Variants in LRRK2 observed in about 807,000 individuals in gnomAD.
LRRK2 encodes the protein leucine rich repeat kinase 2.
A neutral mutation model predicts 302.6 loss-of-function variants in LRRK2; 203 were observed. That is an observed-to-expected ratio of 0.67 (90% CI 0.60 to 0.75). LRRK2 has a LOEUF of 0.75. Among genes scored for constraint, LRRK2 ranks in the 30% least tolerant of loss-of-function variants. LRRK2 has a pLI of 0.00. For missense variants in LRRK2, 2,830 were observed against 2,951.0 expected, an observed-to-expected ratio of 0.96 and a Z score of 0.95; for synonymous variants, 1,066 against 1,031.9, an observed-to-expected ratio of 1.03 and a Z score of -0.63.
chr12:40,319,239 A>T (rs1945325145), intron 33 of LRRK2, among the ~76,000 whole-genome samples: 1 of 152,132 alleles, frequency 6.6e-6, no homozygotes, highest in African/African-American at 2.4e-5. Context: ...GGGCAATCTA[A>T]GACAGTCACT....
intron 7 of LRRK2, among the ~76,000 whole-genome samples, chr12:40,248,026 G>C (rs1032342336): frequency 6.6e-6 from 1 of 151,900 alleles, no homozygotes; most frequent in African/African-American, 2.4e-5. Context: ...CCATTTACTA[G>C]TTTATCTCTA....
intron 41 of LRRK2, among the ~76,000 whole-genome samples, chr12:40,344,207 G>T (rs1025731110): frequency 5.9e-5 from 9 of 152,144 alleles, no homozygotes; most frequent in African/African-American, 1.9e-4. Context: ...AGAATTAGAC[G>T]AAATGACCCC....
rs778136224 is a variant in LRRK2, at chr12:40,257,385, A to G, written c.1418+8A>G. On this transcript the variant is annotated splice_region_variant and intron_variant, in intron 12 of 50. Transcript: ENST00000298910. Reference sequence around the variant, plus strand: ...TCATCTTTTTGAAGGAAGGTAATATAGATTCATTAACTTGTACAGAATATA... The same window carrying G: ...TCATCTTTTTGAAGGAAGGTAATATGGATTCATTAACTTGTACAGAATATA... 8.1e-6 allele frequency: 13 copies of G among 1,611,602 alleles called. No homozygotes were observed. Among genetic ancestry groups the G allele is most frequent in the Non-Finnish European group, 1.1e-5 (13 of 1,178,170 alleles).
chr12:40,257,205 A>C, intron 11 of LRRK2, 43 bp from the exon 12 acceptor site: 2 of 1,392,112 alleles, frequency 1.4e-6, no homozygotes, highest in Non-Finnish European at 2.0e-6. Context: ...AAATTATGAA[A>C]ATATGCTTTC....
chr12:40,273,340 G>A (rs754807407), intron 14 of LRRK2, among the ~76,000 whole-genome samples: 2 of 152,126 alleles, frequency 1.3e-5, no homozygotes, highest in Non-Finnish European at 2.9e-5. Flanking sequence ...AAACAAAAAT[G>A]TCAAGGGAGA....
intron 41 of LRRK2, among the ~76,000 whole-genome samples, chr12:40,343,697 A>G (rs1184465324): frequency 1.3e-5 from 2 of 152,218 alleles, no homozygotes; most frequent in Non-Finnish European, 1.5e-5. Context: ...GTATTTTAAC[A>G]TTGTAATCAT....
At chr12:40,243,950 G>C (rs1158986303) in intron 7 of LRRK2, among the ~76,000 whole-genome samples, 1 of 152,052 alleles carries the variant, frequency 6.6e-6, no homozygotes, top group African/African-American at 2.4e-5. Flanking sequence ...TATTTTTATA[G>C]ATGTAGTTCT....
At chr12:40,291,377 ATGTAACAAACC>A (rs1291941142) in intron 20 of LRRK2, among the ~76,000 whole-genome samples, 1 of 151,672 alleles carries the variant, frequency 6.6e-6, no homozygotes, top group Non-Finnish European at 1.5e-5. Context: ...ATGTATACAT[ATGTAACAAACC>A]TGCATGTTGT....
At chr12:40,318,532 CAG>C (rs1278357404) in intron 33 of LRRK2, among the ~76,000 whole-genome samples, 2 of 151,942 alleles carry the variant, frequency 1.3e-5, no homozygotes, top group Non-Finnish European at 2.9e-5. Flanking sequence ...AATTGATTGA[CAG>C]AGAGGTTGAA....
Position 40,278,167 on chromosome 12 carries a change from C to T in LRRK2, c.2147C>T (p.Ala716Val), listed in dbSNP as rs281865043. The part of the protein sequence containing the change: ...DYLKNVMLER[A>V]CDQNNSIMVE... ...TTAAAAAATGTGATGCTAGAGAGAG[C>T]GTGTGATCAGAATAACAGCATCATG... Residue 716 changes from alanine (A) to valine (V), a missense_variant, in exon 18 of 51, where the codon GCG (alanine) becomes GTG (valine). Around this residue, in one of 3 missense-constraint regions of LRRK2, gnomAD observed 2,121 missense variants for 2,148.0 expected, o/e 0.99. Coordinates refer to ENST00000298910, the MANE Select transcript of LRRK2 (RefSeq NM_198578.4). The T allele has an allele frequency of 1.9e-5, 31 of 1,614,022 alleles. No individual in the cohort carries two copies. The highest frequency in any genetic ancestry group is 2.5e-5 in the Non-Finnish European group (29 of 1,179,974).
chr12:40,282,155 TCTTCCC>T lies in LRRK2; in HGVS notation c.2242-1708_2242-1703del, dbSNP rs1465028480. ...CTCCCCTCCCCTCCCTTCTCCTTTCTCTTCCCCTTCCCCTTCCTCTTCCCCTTCCCC... is the reference window on the plus strand; with the variant it reads ...CTCCCCTCCCCTCCCTTCTCCTTTCTCTTCCCCTTCCTCTTCCCCTTCCCC... On this transcript the variant is annotated intron_variant, in intron 18 of 50. Coordinates refer to ENST00000298910, the MANE Select transcript of LRRK2 (RefSeq NM_198578.4). Among the ~76,000 whole-genome samples the T allele has an allele frequency of 5.4e-4, 67 of 124,170 alleles. 1 individual carries two copies. Among genetic ancestry groups the T allele is most frequent in the African/African-American group, 1.9e-3 (65 of 33,656 alleles). 81.5% of individuals were successfully genotyped at this position (124,170 alleles called of 152,430 possible). A position where few individuals can be genotyped will look rare whatever the true frequency, so the allele number is the denominator to read the frequency against.
chr12:40,241,308 G>A (rs916049646), intron 6 of LRRK2, among the ~76,000 whole-genome samples: 49 of 152,184 alleles, frequency 3.2e-4, no homozygotes, highest in Admixed American at 3.2e-3. Context: ...CCACATGAAG[G>A]AGTTTGAATT....
chr12:40,317,908 C>T (rs960848694), intron 33 of LRRK2, among the ~76,000 whole-genome samples: 4 of 151,978 alleles, frequency 2.6e-5, no homozygotes, highest in African/African-American at 9.7e-5. Flanking sequence ...GGCTCAGCTG[C>T]GTGGTTCTGC....
chr12:40,279,922 C>T (rs140271263), intron 18 of LRRK2, among the ~76,000 whole-genome samples: 72 of 152,220 alleles, frequency 4.7e-4, no homozygotes, highest in Non-Finnish European at 9.0e-4. Flanking sequence ...TGTGCCAGAG[C>T]AAAATAAGGT....
intron 33 of LRRK2, 112 bp from the exon 34 acceptor site, chr12:40,319,876 A>G (rs1203940279): frequency 7.6e-6 from 8 of 1,056,426 alleles, no homozygotes; most frequent in Non-Finnish European, 8.3e-6. Context: ...GCACTTGAAA[A>G]CACTAAAATC....
intron 40 of LRRK2, among the ~76,000 whole-genome samples, chr12:40,335,876 A>G (rs1037922630): frequency 1.3e-5 from 2 of 152,004 alleles, no homozygotes; most frequent in Non-Finnish European, 2.9e-5. Flanking sequence ...GTCACCTTAC[A>G]TTCCTTTCTT....
At chr12:40,264,110 A>T (rs1186564943) in intron 14 of LRRK2, among the ~76,000 whole-genome samples, 1 of 152,180 alleles carries the variant, frequency 6.6e-6, no homozygotes, top group African/African-American at 2.4e-5. Context: ...ATTATCAATT[A>T]TAGATGTAGG....
intron 29 of LRRK2, 54 bp downstream of exon 29, chr12:40,308,750 G>C: frequency 6.6e-7 from 1 of 1,522,784 alleles, no homozygotes; most frequent in Non-Finnish European, 9.0e-7. Flanking sequence ...TTTGGAACAG[G>C]GATTCAAAAA....
At position 40,243,699 on chromosome 12, in the gene LRRK2, T is replaced by A; in HGVS notation, c.838+18T>A. 1 of 1,608,686 alleles carries A rather than the reference T, an allele frequency of 6.2e-7. No homozygotes were observed. The highest frequency in any genetic ancestry group is 2.2e-5 in the East Asian group (1 of 44,630). The stretch of plus-strand genomic sequence containing the variant: ...TACATTAGGTGAGTTTCTTAGTTAA[T>A]ATGTCATCACACACTGTATGATATA... On this transcript the variant is annotated intron_variant, in intron 7 of 50. Transcript: ENST00000298910.
Sources: allele counts gnomAD v4.1 joint callset (sites outside exome capture counted in the v4.1 genomes callset), GRCh38; gene constraint gnomAD v4.1.1; regional missense constraint gnomAD v4.1.1; transcripts MANE v1.5; gene names NCBI Gene and HGNC (gene_info 2026-07-23, HGNC 2026-07-21).